TTLL11: variants seen among roughly 807,000 people sequenced by gnomAD.
TTLL11 encodes the protein tubulin tyrosine ligase like 11, also known as tubulin polyglutamylase TTLL11.
TTLL11 carries 42 observed loss-of-function variants against 51.7 expected under a neutral mutation model. That is an observed-to-expected ratio of 0.81 (90% CI 0.64 to 1.05). The LOEUF (loss-of-function observed/expected upper bound fraction) is 1.05. Among genes scored for constraint, TTLL11 ranks in the 50% least tolerant of loss-of-function variants. TTLL11 has a pLI of 0.00. For synonymous variants in TTLL11, 381 were observed against 383.5 expected, an observed-to-expected ratio of 0.99 and a Z score of 0.08; for missense variants, 799 against 940.4, an observed-to-expected ratio of 0.85 and a Z score of 1.97.
At chr9:122,044,193 C>T (rs1333726543) in intron 1 of TTLL11, among the ~76,000 whole-genome samples, 1 of 151,810 alleles carries the variant, frequency 6.6e-6, no homozygotes, top group East Asian at 1.9e-4. Flanking sequence ...TGAACTCATC[C>T]TTTTTTATGG....
chr9:121,954,369 C>A lies in TTLL11; in HGVS notation c.1481+19640G>T, dbSNP rs190173365. 2.4e-3 allele frequency among the ~76,000 whole-genome samples: 360 copies of A among 152,270 alleles called. 1 individual carries two copies. Among genetic ancestry groups the A allele is most frequent in the Non-Finnish European group, 3.7e-3 (250 of 68,034 alleles). On this transcript the variant is annotated intron_variant, in intron 6 of 8. Transcript: ENST00000321582. Reference sequence around the variant, plus strand: ...AACATGGAGACAAGCCCCACTCTGTCCCCCAGTTACAAGCACCAAAGATGC... The same window carrying A: ...AACATGGAGACAAGCCCCACTCTGTACCCCAGTTACAAGCACCAAAGATGC...
At chr9:121,846,599 A>G (rs993355800) in intron 8 of TTLL11, among the ~76,000 whole-genome samples, 2 of 152,298 alleles carry the variant, frequency 1.3e-5, no homozygotes, top group Admixed American at 6.5e-5. Context: ...TCAGGCCACA[A>G]TAGAATTAAA....
intron 3 of TTLL11, among the ~76,000 whole-genome samples, chr9:122,007,487 A>G (rs1588200141): frequency 6.6e-6 from 1 of 151,232 alleles, no homozygotes; most frequent in South Asian, 2.1e-4. Context: ...AAAAAAAAAA[A>G]AAAGAAAAAA....
intron 6 of TTLL11, among the ~76,000 whole-genome samples, chr9:121,922,024 C>A (rs150864767): frequency 6.6e-6 from 1 of 152,194 alleles, no homozygotes; most frequent in Non-Finnish European, 1.5e-5. Context: ...GCTTAGCACA[C>A]AACCTGGCGA....
At chr9:122,060,823 T>C (rs910546012) in intron 1 of TTLL11, among the ~76,000 whole-genome samples, 1 of 152,248 alleles carries the variant, frequency 6.6e-6, no homozygotes, top group Non-Finnish European at 1.5e-5. Flanking sequence ...CAACGGTCCA[T>C]TTTCTTGTTG....
At chr9:122,031,937 C>A in intron 2 of TTLL11, 81 bp from the exon 3 acceptor site, 1 of 1,517,714 alleles carries the variant, frequency 6.6e-7, no homozygotes, top group Non-Finnish European at 8.9e-7. Flanking sequence ...ACTTTTAAAA[C>A]CACCCACCCG....
chr9:121,822,922 C>G lies in TTLL11; in HGVS notation c.1841-43G>C, dbSNP rs745808471. ...GGATGAGGGGGTGCACACAGCTGCC[C>G]TACGCTGCCCTGGGAAGGCCCACCT... On this transcript the variant is annotated intron_variant, in intron 8 of 8. Transcript: ENST00000321582. This position sits in a 1 kb window ranked among gnomAD's most constrained non-coding sequence, Gnocchi z 5.8. 6.7e-7 allele frequency: 1 copy of G among 1,499,684 alleles called. No individual in the cohort carries two copies. The highest frequency in any genetic ancestry group is 1.4e-5 in the African/African-American group (1 of 71,488). The allele number at this position is 1,499,684 out of a possible 1,614,324, so 92.9% of individuals were successfully genotyped here.
intron 6 of TTLL11, among the ~76,000 whole-genome samples, chr9:121,892,179 T>TAC (rs1564290817): frequency 7.4e-6 from 1 of 135,656 alleles, no homozygotes; most frequent in Non-Finnish European, 1.6e-5. Flanking sequence ...GATATATATA[T>TAC]ACACACACAT....
rs576422152 is a variant in TTLL11, at chr9:121,974,035, G to A, written c.1455C>T (p.Asp485=). 1 of 1,551,654 alleles carries A rather than the reference G, an allele frequency of 6.4e-7. No individual in the cohort carries two copies. Among genetic ancestry groups the A allele is most frequent in the Non-Finnish European group, 8.7e-7 (1 of 1,146,924 alleles). ...GATTCTCTCTTTTCTTCTTAAGTGG[G>A]TCCATGAGGCGCAGAGTGTCTCTGA... ...AVIRDTLRLM[D]PLKKKRENQS... is the part of the protein sequence containing the mutation. Residue 485 remains aspartate (D), a synonymous_variant, in exon 6 of 9, where the codon GAC becomes GAT. Coordinates refer to ENST00000321582, the MANE Select transcript of TTLL11 (RefSeq NM_001139442.2).
At chr9:121,874,085 G>A (rs540782056) in intron 6 of TTLL11, among the ~76,000 whole-genome samples, 2 of 151,952 alleles carry the variant, frequency 1.3e-5, no homozygotes, top group South Asian at 4.2e-4. Context: ...TCTAACTCCT[G>A]ACCTCAAGTG....
intron 8 of TTLL11, among the ~76,000 whole-genome samples, chr9:121,826,217 T>TATATATATATAC (rs1491163835): frequency 0.022 from 1,295 of 57,998 alleles, 150 homozygotes; most frequent in South Asian, 0.041. Flanking sequence ...TATATATATA[T>TATATATATATAC]GCACACATAT....
intron 6 of TTLL11, among the ~76,000 whole-genome samples, chr9:121,957,826 G>A (rs762791256): frequency 2.6e-5 from 4 of 152,188 alleles, no homozygotes; most frequent in Non-Finnish European, 5.9e-5. Context: ...GGGTCGTTGT[G>A]GACAGAGCTG....
At position 121,817,761 on chromosome 9, in the gene TTLL11, G is replaced by A. The variant is rs4837891; in HGVS notation, c.*4826C>T. ...TGTGGGATCTGGAGCCAGCCGGGGG[G>A]CTCAGGTGGATCCTGGCTCTGCACT... On this transcript the variant is annotated 3_prime_UTR_variant, in exon 9 of 9. Transcript: ENST00000321582. 100,804 of 152,100 alleles carry A rather than the reference G, an allele frequency of 0.66. 34,285 individuals are homozygous for A. The highest frequency in any genetic ancestry group is 0.82 in the African/African-American group (34,215 of 41,480). 9.4% of individuals were successfully genotyped at this position (152,100 alleles called of 1,614,324 possible).
At chr9:121,991,620 T>C (rs1289543056) in intron 3 of TTLL11, among the ~76,000 whole-genome samples, 1 of 152,232 alleles carries the variant, frequency 6.6e-6, no homozygotes, top group East Asian at 1.9e-4. Context: ...ACACTAACAG[T>C]TCAATATATT....
chr9:121,889,908 CG>C (rs1450587521), intron 6 of TTLL11, among the ~76,000 whole-genome samples: 53 of 27,908 alleles, frequency 1.9e-3, no homozygotes, highest in African/African-American at 6.6e-3. Context: ...TTGGGCGGGG[CG>C]GGGGGGGAGG....
intron 3 of TTLL11, among the ~76,000 whole-genome samples, chr9:122,029,767 A>C (rs886958245): frequency 3.3e-5 from 5 of 152,118 alleles, no homozygotes; most frequent in Admixed American, 6.5e-5. Context: ...CAGTAGTATA[A>C]TGTCCTAGGC....
chr9:121,952,807 C>T (rs182064026), intron 6 of TTLL11, among the ~76,000 whole-genome samples: 16 of 152,262 alleles, frequency 1.1e-4, no homozygotes, highest in Admixed American at 9.8e-4. Flanking sequence ...GAACTGCTGC[C>T]TGCCTGAGTC....
intron 3 of TTLL11, among the ~76,000 whole-genome samples, chr9:122,021,683 T>C (rs1844185106): frequency 6.6e-6 from 1 of 152,184 alleles, no homozygotes; most frequent in African/African-American, 2.4e-5. Context: ...CTGAAATCTA[T>C]TTCCAAGTAA....
chr9:122,042,139 C>T lies in TTLL11; in HGVS notation c.463-2771G>A, dbSNP rs115564099. Among the ~76,000 whole-genome samples, 666 of 152,170 alleles carry T rather than the reference C, an allele frequency of 4.4e-3. 3 individuals carry two copies. Among genetic ancestry groups the T allele is most frequent in the African/African-American group, 0.015 (618 of 41,536 alleles). ...TTCTTTCTCTTCTGCCTCAGCCCCC[C>T]GAGTGGCTGGGATTACTGGCACATG... is the stretch of plus-strand genomic sequence containing the variant. On this transcript the variant is annotated intron_variant, in intron 1 of 8. Transcript: ENST00000321582.
Sources: gnomAD v4.1 joint callset for allele counts (sites outside exome capture counted in the v4.1 genomes callset) on GRCh38, gnomAD v4.1.1 for gene constraint, Gnocchi (gnomAD v3.1) non-coding constraint, MANE v1.5 for transcripts, NCBI Gene and HGNC (gene_info 2026-07-23, HGNC 2026-07-21) for gene names.